The following SH2D3C variants were observed in gnomAD, a reference collection of about 807,000 sequenced individuals.
The protein encoded by SH2D3C is SH2 domain containing 3C, also known as SH2 domain-containing protein 3C.
In SH2D3C, 25 loss-of-function variants were observed where a neutral mutation model predicts 75.2. That is an observed-to-expected ratio of 0.33 (90% CI 0.24 to 0.46). The LOEUF is 0.46. Among genes scored for constraint, SH2D3C ranks in the 20% least tolerant of loss-of-function variants. The pLI is 1.00. For synonymous variants in SH2D3C, 450 were observed against 473.7 expected (o/e 0.95, Z 0.65); for missense variants, 933 against 1,165.3 (o/e 0.80, Z 2.90).
chr9:127,762,473 C>G lies in SH2D3C; in HGVS notation c.516-823G>C, dbSNP rs937598157. On this transcript the variant is annotated intron_variant, in intron 2 of 11. Coordinates refer to ENST00000314830, the MANE Select transcript of SH2D3C (RefSeq NM_170600.3). ...GCAGAACTGTGGCTCCTCCCTGCCCCCTCCCCATCTTCCCCGTCTCAGCTG... is the reference window on the plus strand; with the variant it reads ...GCAGAACTGTGGCTCCTCCCTGCCCGCTCCCCATCTTCCCCGTCTCAGCTG... The G allele has an allele frequency of 2.3e-4, 115 of 499,750 alleles. 1 individual carries two copies. The highest frequency in any genetic ancestry group is 3.5e-4 in the Non-Finnish European group (90 of 255,600). The allele number at this position is 499,750 out of a possible 1,614,324, so 31.0% of individuals were successfully genotyped here. A position where few individuals can be genotyped will look rare whatever the true frequency, so the allele number is the denominator to read the frequency against.
In SH2D3C at chr9:127,766,822, G is replaced by C. The variant is rs2131801575; in HGVS notation, c.516-5172C>G. The C allele has an allele frequency of 2.9e-6, 3 of 1,027,268 alleles. No homozygotes were observed. In the East Asian group the frequency reaches 7.9e-5, roughly 27 times the overall value. 63.6% of individuals were successfully genotyped at this position (1,027,268 alleles called of 1,614,324 possible). On this transcript the variant is annotated intron_variant, in intron 2 of 11. Transcript: ENST00000314830. Reference sequence around the variant, plus strand: ...TGGCATCAGGTGATCCACCTGCCTTGGCCTCCCAAAGTGCTGGGGTTACAG... The same window carrying C: ...TGGCATCAGGTGATCCACCTGCCTTCGCCTCCCAAAGTGCTGGGGTTACAG...
intron 2 of SH2D3C, chr9:127,766,918 C>T (rs1038906945): frequency 2.8e-5 from 43 of 1,531,354 alleles, no homozygotes; most frequent in Non-Finnish European, 3.4e-5. Flanking sequence ...AGAGAAGCAA[C>T]GGGCACCTGC....
intron 2 of SH2D3C, among the ~76,000 whole-genome samples, chr9:127,770,041 G>A (rs1248141623): frequency 6.6e-6 from 1 of 152,264 alleles, no homozygotes; most frequent in Middle Eastern, 3.4e-3. Flanking sequence ...CTAGGCCTCT[G>A]CTTCCTCCTC....
intron 2 of SH2D3C, chr9:127,767,313 T>C: frequency 1.4e-6 from 2 of 1,432,910 alleles, no homozygotes; most frequent in Non-Finnish European, 1.8e-6. Context: ...TACTGAGTGC[T>C]AGTGGATGAG....
intron 1 of SH2D3C, among the ~76,000 whole-genome samples, chr9:127,776,994 C>T (rs779087769): frequency 1.3e-5 from 2 of 152,178 alleles, no homozygotes; most frequent in African/African-American, 4.8e-5. Context: ...GGGCACCAGA[C>T]GTTTGGAGGA....
At chr9:127,756,482 T>C (rs1845382473) in intron 3 of SH2D3C, among the ~76,000 whole-genome samples, 1 of 152,150 alleles carries the variant, frequency 6.6e-6, no homozygotes, top group Admixed American at 6.5e-5. Context: ...TTGTTTTCTG[T>C]AAATACATCT....
At chr9:127,765,203 C>G (rs1845610769) in intron 2 of SH2D3C, among the ~76,000 whole-genome samples, 1 of 152,130 alleles carries the variant, frequency 6.6e-6, no homozygotes, top group African/African-American at 2.4e-5. Flanking sequence ...AAAATGTCCC[C>G]TTCTCAGCAA....
chr9:127,740,636 C>T (rs1277068381), intron 9 of SH2D3C, among the ~76,000 whole-genome samples: 11 of 152,192 alleles, frequency 7.2e-5, no homozygotes, highest in African/African-American at 2.4e-4. Flanking sequence ...GGGAGTTGAA[C>T]GCAGGACACT....
Position 127,744,614 on chromosome 9 carries a change from C to T in SH2D3C, c.1750G>A (p.Glu584Lys). The change falls in exon 7 of 12, where the codon GAA becomes AAA. Residue 584 changes from glutamate (E) to lysine (K), a missense_variant. Coordinates refer to ENST00000314830, the MANE Select transcript of SH2D3C (RefSeq NM_170600.3). The stretch of plus-strand genomic sequence containing the variant: ...CGGGCCAGCGTCCGGGCATCCACTT[C>T]TGCCAGCAGCTCCTTGACCTTGCGC... ...LLRKVKELLA[E>K]VDARTLARHV... 1 of 1,613,010 alleles carries T rather than the reference C, an allele frequency of 6.2e-7. No homozygotes were observed. The highest frequency in any genetic ancestry group is 8.5e-7 in the Non-Finnish European group (1 of 1,179,012).
rs548399659 is a variant in SH2D3C at position 127,742,010 on chromosome 9, G to C, written c.1917-51C>G. ...GGCGGGCTCGGGGACAGGGGTGAGG[G>C]GTGCGGGCCTGGGGCGCTGCCTGTG... On this transcript the variant is annotated intron_variant, in intron 8 of 11. Coordinates refer to ENST00000314830, the MANE Select transcript of SH2D3C (RefSeq NM_170600.3). 1.2e-5 allele frequency: 19 copies of C among 1,534,222 alleles called. No individual in the cohort carries two copies. The South Asian group carries it at 2.3e-4, about 18-fold the overall frequency.
chr9:127,758,644 C>G (rs573642028), intron 3 of SH2D3C, among the ~76,000 whole-genome samples: 1 of 152,214 alleles, frequency 6.6e-6, no homozygotes, highest in Admixed American at 6.5e-5. Flanking sequence ...TACTTTCTGA[C>G]TTTGTCCACA....
intron 2 of SH2D3C, among the ~76,000 whole-genome samples, chr9:127,773,781 G>A (rs1325229050): frequency 1.3e-5 from 2 of 152,016 alleles, no homozygotes; most frequent in African/African-American, 2.4e-5. Context: ...AGCCAAGAGT[G>A]GTGTTGGGCG....
chr9:127,778,031 A>G (rs1263151950), intron 1 of SH2D3C, among the ~76,000 whole-genome samples: 1 of 152,036 alleles, frequency 6.6e-6, no homozygotes, highest in Non-Finnish European at 1.5e-5. Flanking sequence ...TGTGTCGCCC[A>G]GACTGGAGTG....
At position 127,778,587 on chromosome 9, in the gene SH2D3C, T is replaced by A. The variant is rs780846990; in HGVS notation, c.37+4A>T. The A allele has an allele frequency of 2.0e-5, 32 of 1,611,834 alleles. No homozygotes were observed. Among genetic ancestry groups the A allele is most frequent in the African/African-American group, 4.0e-5 (3 of 74,860 alleles). The stretch of plus-strand genomic sequence containing the variant: ...GGACAGTGCAGACGGCACCCCACAC[T>A]CACTGAACTTTTTGCTGGTCTTCTT... On this transcript the variant is annotated splice_donor_region_variant and intron_variant, in intron 1 of 11. Coordinates refer to ENST00000314830, the MANE Select transcript of SH2D3C (RefSeq NM_170600.3).
intron 7 of SH2D3C, among the ~76,000 whole-genome samples, chr9:127,743,705 C>T (rs1052730897): frequency 6.6e-6 from 1 of 152,140 alleles, no homozygotes; most frequent in African/African-American, 2.4e-5. Flanking sequence ...TCTTGCTTCC[C>T]GCGCTCTGAG....
intron 2 of SH2D3C, among the ~76,000 whole-genome samples, chr9:127,764,037 G>A (rs1035449262): frequency 6.6e-6 from 1 of 152,116 alleles, no homozygotes; most frequent in Non-Finnish European, 1.5e-5. Context: ...TGCTATTCAG[G>A]CCCGGAAATC....
chr9:127,764,665 A>G (rs1845599399), intron 2 of SH2D3C, among the ~76,000 whole-genome samples: 1 of 152,076 alleles, frequency 6.6e-6, no homozygotes, highest in African/African-American at 2.4e-5. Flanking sequence ...TTTTTCCGGC[A>G]GATATCCCCC....
chr9:127,758,318 T>A (rs1440726409), intron 3 of SH2D3C, among the ~76,000 whole-genome samples: 2 of 152,048 alleles, frequency 1.3e-5, no homozygotes, highest in Non-Finnish European at 2.9e-5. Context: ...TTTGACTTTG[T>A]CCTTTGGCAG....
In SH2D3C at chr9:127,738,668, T is replaced by C; in HGVS notation, c.*78A>G. 1 of 1,414,762 alleles carries C rather than the reference T, an allele frequency of 7.1e-7. No individual in the cohort carries two copies. The highest frequency in any genetic ancestry group is 9.5e-7 in the Non-Finnish European group (1 of 1,056,208). 87.6% of individuals were successfully genotyped at this position (1,414,762 alleles called of 1,614,324 possible). ...ATTCTCGGGTTGATCACAGTGTCCT[T>C]GGGGTGCTCTGGGGAAAGTTGTGTG... is the stretch of plus-strand genomic sequence containing the variant. On this transcript the variant is annotated 3_prime_UTR_variant, in exon 12 of 12. Transcript: ENST00000314830. This position sits in a 1 kb window ranked among gnomAD's most constrained non-coding sequence, Gnocchi z 5.0.
Sources: gnomAD v4.1 joint callset for allele counts (sites outside exome capture counted in the v4.1 genomes callset) on GRCh38, gnomAD v4.1.1 for gene constraint, Gnocchi (gnomAD v3.1) non-coding constraint, MANE v1.5 for transcripts, NCBI Gene and HGNC (gene_info 2026-07-23, HGNC 2026-07-21) for gene names.